The following SPATA13 variants were observed in gnomAD, a reference collection of about 807,000 sequenced individuals.
The protein encoded by SPATA13 is spermatogenesis-associated protein 13.
In SPATA13, 50 loss-of-function variants were observed where a neutral mutation model predicts 104.0. The observed-to-expected ratio is 0.48, with a 90% CI of 0.38 to 0.61. The LOEUF is 0.61. SPATA13 is among the 20% of genes least tolerant of loss of function. The pLI is 0.00. For synonymous variants in SPATA13, 606 were observed against 667.5 expected, an observed-to-expected ratio of 0.91 and a Z score of 1.42; for missense variants, 1,524 against 1,690.6, an observed-to-expected ratio of 0.90 and a Z score of 1.73.
At chr13:24,137,512 C>G (rs1476546692) in intron 3 of SPATA13, among the ~76,000 whole-genome samples, 1 of 152,188 alleles carries the variant, frequency 6.6e-6, no homozygotes, top group Admixed American at 6.5e-5. Context: ...TGTGATCCAG[C>G]ACTTTGGGAG....
chr13:24,116,608 GA>G (rs1003179891), intron 3 of SPATA13, among the ~76,000 whole-genome samples: 7 of 152,110 alleles, frequency 4.6e-5, no homozygotes, highest in Non-Finnish European at 7.4e-5. Context: ...TTTTACAGAT[GA>G]AACGTCTCAG....
chr13:24,178,395 A>G (rs1566135090), intron 1 of SPATA13, among the ~76,000 whole-genome samples: 1 of 151,296 alleles, frequency 6.6e-6, no homozygotes. Context: ...AGGAACATGC[A>G]TTTTTTTTTA....
At chr13:24,103,518 C>A (rs1447695853) in intron 3 of SPATA13, among the ~76,000 whole-genome samples, 10 of 120,550 alleles carry the variant, frequency 8.3e-5, no homozygotes, top group Admixed American at 3.3e-4. Context: ...AAGAAAAGAG[C>A]AGGGGAGGAG....
chr13:24,130,063 T>A (rs1881344135), intron 3 of SPATA13, among the ~76,000 whole-genome samples: 1 of 152,224 alleles, frequency 6.6e-6, no homozygotes, highest in African/African-American at 2.4e-5. Context: ...TTCAGGATGT[T>A]TTCTTTCTGC....
rs890617242 is a variant in SPATA13, at chr13:24,205,320, A to G, written c.-111-17499A>G. ...CAGTGGGCAAGCAGAAAGCCAAGCCATGAAAGAATTTCCATTTACAATTGC... is the reference window on the plus strand; with the variant it reads ...CAGTGGGCAAGCAGAAAGCCAAGCCGTGAAAGAATTTCCATTTACAATTGC... On this transcript the variant is annotated intron_variant, in intron 1 of 12. Coordinates refer to ENST00000382108, the MANE Select transcript of SPATA13 (RefSeq NM_001166271.3). This position sits in a 1 kb window ranked among gnomAD's most constrained non-coding sequence, Gnocchi z 4.1. 3.9e-5 allele frequency among the ~76,000 whole-genome samples: 6 copies of G among 152,234 alleles called. No homozygotes were observed. Among genetic ancestry groups the G allele is most frequent in the Admixed American group, 2.6e-4 (4 of 15,288 alleles).
intron 3 of SPATA13, among the ~76,000 whole-genome samples, chr13:24,128,555 G>A (rs1360966874): frequency 6.6e-6 from 1 of 152,022 alleles, no homozygotes; most frequent in African/African-American, 2.4e-5. Context: ...TCTGAGAATA[G>A]CCTGTCTTTC....
chr13:24,121,791 T>A (rs1465842240), intron 3 of SPATA13, among the ~76,000 whole-genome samples: 2 of 152,156 alleles, frequency 1.3e-5, no homozygotes, highest in Non-Finnish European at 2.9e-5. Context: ...CAGTGTCACT[T>A]TGAAGCTTCA....
chr13:24,104,158 C>T (rs745409423), intron 3 of SPATA13, among the ~76,000 whole-genome samples: 8 of 151,588 alleles, frequency 5.3e-5, no homozygotes, highest in Non-Finnish European at 8.8e-5. Context: ...CACATGTGTA[C>T]GTGCTGAGAA....
intron 2 of SPATA13, among the ~76,000 whole-genome samples, chr13:24,228,155 C>G (rs1303516921): frequency 1.4e-5 from 2 of 141,992 alleles, no homozygotes; most frequent in African/African-American, 5.5e-5. Context: ...ACTGTGTCGC[C>G]TAGGCTGGAG....
chr13:24,083,322 C>A (rs1879606065), intron 3 of SPATA13, among the ~76,000 whole-genome samples: 2 of 152,218 alleles, frequency 1.3e-5, no homozygotes. Context: ...AGACACCAAA[C>A]CCTGCCCCGC....
intron 2 of SPATA13, among the ~76,000 whole-genome samples, chr13:24,239,693 TAAAAA>T (rs55881452): frequency 4.3e-5 from 2 of 46,940 alleles, no homozygotes; most frequent in East Asian, 8.1e-4. Flanking sequence ...AGACCATATC[TAAAAA>T]AAAAAAAAAA....
chr13:24,247,771 C>A (rs1873234428), intron 2 of SPATA13, among the ~76,000 whole-genome samples: 1 of 152,172 alleles, frequency 6.6e-6, no homozygotes, highest in South Asian at 2.1e-4. Context: ...ACGTGAGCCA[C>A]CCGCCCGGGC....
At chr13:24,048,288 T>G (rs1878218033) in intron 3 of SPATA13, among the ~76,000 whole-genome samples, 1 of 152,360 alleles carries the variant, frequency 6.6e-6, no homozygotes, top group East Asian at 1.9e-4. Context: ...GACTGTTGCA[T>G]TTTTAGCATT....
chr13:24,016,301 G>A (rs918518853), intron 2 of SPATA13, among the ~76,000 whole-genome samples: 6 of 152,136 alleles, frequency 3.9e-5, no homozygotes, highest in Non-Finnish European at 8.8e-5. Flanking sequence ...AAGCAGCTGC[G>A]GCTCTTCCTG....
intron 3 of SPATA13, among the ~76,000 whole-genome samples, chr13:24,112,106 T>G (rs1007343731): frequency 3.9e-5 from 6 of 152,210 alleles, no homozygotes; most frequent in Admixed American, 6.5e-5. Flanking sequence ...CACAGGACAC[T>G]CTCTAGGCTG....
intron 3 of SPATA13, among the ~76,000 whole-genome samples, chr13:24,037,283 C>T (rs1877724229): frequency 1.3e-5 from 2 of 151,194 alleles, no homozygotes; most frequent in African/African-American, 2.4e-5. Context: ...AGCACACCAA[C>T]ATGGCACATG....
rs554685331 is a variant in SPATA13, at chr13:24,224,207, C to T, written c.1278C>T (p.Cys426=). The T allele has an allele frequency of 7.1e-6, 11 of 1,551,752 alleles. No individual in the cohort carries two copies. The East Asian group carries it at 2.4e-4, about 34-fold the overall frequency. Reference sequence around the variant, plus strand: ...GGGCGGTGGAAAGCGACAGTTCCTGCACTTGCAGCTCTTTGCCAAGCCCGA... The same window carrying T: ...GGGCGGTGGAAAGCGACAGTTCCTGTACTTGCAGCTCTTTGCCAAGCCCGA... The part of the protein sequence containing the change: ...SSWAVESDSS[C]TCSSLPSPIV... The change falls in exon 2 of 13, where the codon TGC becomes TGT. Residue 426 remains cysteine, a synonymous_variant. Transcript: ENST00000382108.
intron 2 of SPATA13, among the ~76,000 whole-genome samples, chr13:24,000,257 G>A (rs1875892569): frequency 6.6e-6 from 1 of 152,248 alleles, no homozygotes; most frequent in South Asian, 2.1e-4. Context: ...CTTCACTGAG[G>A]AAGTGTAGGT....
At chr13:24,165,403 A>G (rs1472427540) in intron 1 of SPATA13, among the ~76,000 whole-genome samples, 1 of 152,058 alleles carries the variant, frequency 6.6e-6, no homozygotes, top group Non-Finnish European at 1.5e-5. Flanking sequence ...CCCCATTCAT[A>G]CCAGAGCAGG....
Sources: gnomAD v4.1 joint callset for allele counts (sites outside exome capture counted in the v4.1 genomes callset) on GRCh38, gnomAD v4.1.1 for gene constraint, Gnocchi (gnomAD v3.1) non-coding constraint, MANE v1.5 for transcripts, NCBI Gene and HGNC (gene_info 2026-07-23, HGNC 2026-07-21) for gene names.